KIAA1328: variants seen among roughly 807,000 people sequenced by gnomAD.
KIAA1328 encodes the protein KIAA1328.
In KIAA1328, 52 loss-of-function variants were observed where a neutral mutation model predicts 68.1. That is an observed-to-expected ratio of 0.76 (90% confidence interval 0.61 to 0.96). The LOEUF is 0.96. Ranked by LOEUF, KIAA1328 falls within the 40% of genes least tolerant of loss-of-function variation. The pLI is 0.00. For missense variants in KIAA1328, 641 were observed against 677.6 expected (o/e 0.95, Z 0.60); for synonymous variants, 232 against 239.4 (o/e 0.97, Z 0.28).
chr18:37,216,093 A>T (rs2060426196), intron 9 of KIAA1328, among the ~76,000 whole-genome samples: 1 of 152,122 alleles, frequency 6.6e-6, no homozygotes, highest in Non-Finnish European at 1.5e-5. Flanking sequence ...TTTTCAAAAA[A>T]CCAGCTCCTG....
chr18:37,002,228 C>CTTTTTTTTTTTT (rs145948250), intron 6 of KIAA1328, among the ~76,000 whole-genome samples: 85 of 95,124 alleles, frequency 8.9e-4, no homozygotes, highest in Non-Finnish European at 1.3e-3. Flanking sequence ...ATTTTTTTTT[C>CTTTTTTTTTTTT]TTTTTTTTTT....
intron 4 of KIAA1328, among the ~76,000 whole-genome samples, chr18:36,855,110 T>C (rs2047340289): frequency 6.6e-6 from 1 of 152,232 alleles, no homozygotes; most frequent in Admixed American, 6.5e-5. Context: ...GGTGCTGTTA[T>C]GAACATTTAT....
chr18:36,946,461 G>T (rs2050905162), intron 5 of KIAA1328: 1 of 152,150 alleles, frequency 6.6e-6, no homozygotes, highest in African/African-American at 2.4e-5. Context: ...TCAGAAGCTT[G>T]TTAGACCCTA....
intron 4 of KIAA1328, among the ~76,000 whole-genome samples, chr18:36,883,967 T>C (rs928885674): frequency 1.3e-5 from 2 of 149,300 alleles, no homozygotes; most frequent in African/African-American, 4.9e-5. Flanking sequence ...TATATATATA[T>C]ATACACACAC....
Position 36,829,202 on chromosome 18 carries a change from C to T in KIAA1328, c.58+6C>T, listed in dbSNP as rs1395069010. The T allele has an allele frequency of 6.6e-7, 1 of 1,521,780 alleles. No homozygotes were observed. The highest frequency in any genetic ancestry group is 8.8e-7 in the Non-Finnish European group (1 of 1,136,716). The allele number at this position is 1,521,780 out of a possible 1,614,324, so 94.3% of individuals were successfully genotyped here. A position where few individuals can be genotyped will look rare whatever the true frequency, so the allele number is the denominator to read the frequency against. ...GGCGTTCTGGAGCCGGGACTGTATC[C>T]TTTGCCCGCCTGACAGGGGGCGCCG... is the stretch of plus-strand genomic sequence containing the variant. On this transcript the variant is annotated splice_donor_region_variant and intron_variant, in intron 1 of 9. Transcript: ENST00000280020.
chr18:37,162,103 C>A (rs901924673), intron 8 of KIAA1328, among the ~76,000 whole-genome samples: 18 of 152,154 alleles, frequency 1.2e-4, no homozygotes, highest in Non-Finnish European at 2.5e-4. Flanking sequence ...CTGTTGTGCA[C>A]AATGAATCCT....
At chr18:37,056,362 T>C (rs559341308) in intron 6 of KIAA1328, among the ~76,000 whole-genome samples, 147 of 152,294 alleles carry the variant, frequency 9.7e-4, no homozygotes, top group African/African-American at 3.3e-3. Context: ...AGAAATTTAT[T>C]TATCTTCAAT....
Position 36,847,158 on chromosome 18 carries a change from A to C in KIAA1328, c.332+2856A>C, listed in dbSNP as rs549494739. ...CATAGGCCCATACTTCAATTTGTTTATCTCTTCTTCTATTAATGGGCATTT... is the reference window on the plus strand; with the variant it reads ...CATAGGCCCATACTTCAATTTGTTTCTCTCTTCTTCTATTAATGGGCATTT... On this transcript the variant is annotated intron_variant, in intron 4 of 9. Coordinates refer to ENST00000280020, the MANE Select transcript of KIAA1328 (RefSeq NM_020776.3). Among the ~76,000 whole-genome samples the C allele has an allele frequency of 1.4e-4, 21 of 151,578 alleles. No homozygotes were observed. The Middle Eastern group carries it at 0.01, about 74-fold the overall frequency.
At chr18:37,152,163 A>G (rs2059049191) in intron 7 of KIAA1328, among the ~76,000 whole-genome samples, 1 of 151,806 alleles carries the variant, frequency 6.6e-6, no homozygotes, top group South Asian at 2.1e-4. Context: ...CGTGTGTTTC[A>G]TATGTACATG....
At chr18:37,085,879 C>A (rs1480357100) in intron 7 of KIAA1328, among the ~76,000 whole-genome samples, 1 of 152,020 alleles carries the variant, frequency 6.6e-6, no homozygotes, top group Non-Finnish European at 1.5e-5. Context: ...TTCCTTCTGT[C>A]CTCTCAATAT....
chr18:36,970,970 C>G (rs1038223446), intron 6 of KIAA1328, among the ~76,000 whole-genome samples: 1 of 152,022 alleles, frequency 6.6e-6, no homozygotes, highest in East Asian at 1.9e-4. Flanking sequence ...CATATGGAAC[C>G]AAAAAAGAGC....
At chr18:36,913,543 T>TACACAC (rs34096013) in intron 5 of KIAA1328, among the ~76,000 whole-genome samples, 44,306 of 131,286 alleles carry the variant, frequency 0.34, 8,383 homozygotes, top group East Asian at 0.63. Flanking sequence ...AGCAACTGCC[T>TACACAC]ACACACACAC....
chr18:37,140,013 T>G (rs1463535275), intron 7 of KIAA1328, among the ~76,000 whole-genome samples: 1 of 152,178 alleles, frequency 6.6e-6, no homozygotes, highest in Non-Finnish European at 1.5e-5. Flanking sequence ...TAAAACTCTA[T>G]GGAGATGATA....
At position 37,067,031 on chromosome 18, in the gene KIAA1328, A is replaced by G. The variant is rs148498360; in HGVS notation, c.718A>G (p.Ile240Val). 5.6e-6 allele frequency: 9 copies of G among 1,613,974 alleles called. No homozygotes were observed. Among genetic ancestry groups the G allele is most frequent in the East Asian group, 2.2e-5 (1 of 44,860 alleles). ...AVQDSASESL[I>V]AFRNNSLKPV... ...CCAGGATTCAGCTTCAGAATCCCTT[A>G]TAGCATTTAGGAATAATTCTTTGAA... is the stretch of plus-strand genomic sequence containing the variant. The change falls in exon 7 of 10, where the codon ATA becomes GTA. Residue 240 changes from isoleucine (I) to valine (V), a missense_variant. Transcript: ENST00000280020.
chr18:37,086,159 G>T (rs1315203881), intron 7 of KIAA1328, among the ~76,000 whole-genome samples: 1 of 152,140 alleles, frequency 6.6e-6, no homozygotes, highest in Non-Finnish European at 1.5e-5. Context: ...GAGGTCTGTT[G>T]TATAACATGG....
At chr18:37,077,330 T>G (rs1051478217) in intron 7 of KIAA1328, among the ~76,000 whole-genome samples, 1 of 139,546 alleles carries the variant, frequency 7.2e-6, no homozygotes, top group African/African-American at 3.2e-5. Flanking sequence ...ATGGGACGTA[T>G]CTCAAAATAA....
At chr18:37,042,448 T>C (rs2055292796) in intron 6 of KIAA1328, among the ~76,000 whole-genome samples, 1 of 152,234 alleles carries the variant, frequency 6.6e-6, no homozygotes. Flanking sequence ...GTTTATTTTG[T>C]TTTTAAATAT....
intron 5 of KIAA1328, among the ~76,000 whole-genome samples, chr18:36,957,855 A>C (rs1359088544): frequency 6.6e-6 from 1 of 152,120 alleles, no homozygotes; most frequent in African/African-American, 2.4e-5. Context: ...ATATAATTAA[A>C]TGGTTTTGAG....
At chr18:36,838,743 T>G (rs1205823948) in intron 3 of KIAA1328, among the ~76,000 whole-genome samples, 1 of 150,218 alleles carries the variant, frequency 6.7e-6, no homozygotes, top group Admixed American at 6.6e-5. Flanking sequence ...CTGGAGTAAT[T>G]TTTTTTTTTG....
Sources: allele counts gnomAD v4.1 joint callset (sites outside exome capture counted in the v4.1 genomes callset), GRCh38; gene constraint gnomAD v4.1.1; transcripts MANE v1.5; gene names NCBI Gene and HGNC (gene_info 2026-07-23, HGNC 2026-07-21).